Variants in MSRA observed in about 807,000 individuals in gnomAD.
MSRA encodes mitochondrial peptide methionine sulfoxide reductase.
Under a neutral mutation model 31.3 loss-of-function variants are expected in MSRA, and 54 were observed. The observed-to-expected ratio is 1.73, with a 90% confidence interval of 1.39 to 2.17. The LOEUF (loss-of-function observed/expected upper bound fraction) is 2.17, where lower values mean the gene tolerates loss of function less well. MSRA is among the 30% of genes most tolerant of loss of function. MSRA has a pLI of 0.00. For missense variants in MSRA, 507 were observed against 300.9 expected (o/e 1.69, Z -5.07); for synonymous variants, 169 against 116.5 (o/e 1.45, Z -2.90).
intron 1 of MSRA, among the ~76,000 whole-genome samples, chr8:10,056,892 C>T (rs991410164): frequency 2.0e-5 from 3 of 152,154 alleles, no homozygotes; most frequent in African/African-American, 7.2e-5. Context: ...AAAGCATCAC[C>T]TTTTGACTGC....
intron 4 of MSRA, among the ~76,000 whole-genome samples, chr8:10,303,911 C>T (rs953270593): frequency 6.6e-6 from 1 of 152,106 alleles, no homozygotes; most frequent in Non-Finnish European, 1.5e-5. Context: ...TTGCCAGGTG[C>T]CCTTTTATTT....
intron 1 of MSRA, among the ~76,000 whole-genome samples, chr8:10,130,050 A>G (rs1236735501): frequency 6.6e-6 from 1 of 152,196 alleles, no homozygotes; most frequent in Non-Finnish European, 1.5e-5. Context: ...GGATAATTGG[A>G]GACATGGGTG....
chr8:10,284,573 A>G (rs1799832214), intron 3 of MSRA, among the ~76,000 whole-genome samples: 1 of 152,210 alleles, frequency 6.6e-6, no homozygotes, highest in Non-Finnish European at 1.5e-5. Flanking sequence ...ATTGTGCCAA[A>G]CATTGGATTC....
intron 3 of MSRA, among the ~76,000 whole-genome samples, chr8:10,270,483 CAAAG>C (rs1244923789): frequency 1.3e-5 from 2 of 151,082 alleles, no homozygotes; most frequent in Non-Finnish European, 2.9e-5. Context: ...TTTAGTAATA[CAAAG>C]AAAGAGAGTT....
chr8:10,309,412 C>T (rs1025026582), intron 4 of MSRA, among the ~76,000 whole-genome samples: 1 of 152,226 alleles, frequency 6.6e-6, no homozygotes, highest in Non-Finnish European at 1.5e-5. Context: ...CCGTTTCCAT[C>T]ACCAGCTGCT....
chr8:10,260,209 T>C (rs1199355896), intron 3 of MSRA, among the ~76,000 whole-genome samples: 1 of 152,250 alleles, frequency 6.6e-6, no homozygotes, highest in Non-Finnish European at 1.5e-5. Context: ...CCTTGCCATT[T>C]GGTCCAGTTG....
chr8:10,301,575 C>A lies in MSRA; in HGVS notation c.373C>A (p.Pro125Thr). ...AGAAGTCGTCCGAGTGGTGTACCAGCCAGAACACATGAGTTTTGAGGAACT... is the reference window on the plus strand; with the variant it reads ...AGAAGTCGTCCGAGTGGTGTACCAGACAGAACACATGAGTTTTGAGGAACT... ...HAEVVRVVYQPEHMSFEELLK... is the reference protein window; with the variant it reads ...HAEVVRVVYQTEHMSFEELLK... The change falls in exon 4 of 6, where the codon CCA (proline) becomes ACA (threonine). Residue 125 changes from proline to threonine, a missense_variant. By Grantham distance (38) the Pro-to-Thr change is conservative. Coordinates refer to ENST00000317173, the MANE Select transcript of MSRA (RefSeq NM_012331.5). 1 of 1,614,022 alleles carries A rather than the reference C, an allele frequency of 6.2e-7. No homozygotes were observed. The highest frequency in any genetic ancestry group is 8.5e-7 in the Non-Finnish European group (1 of 1,180,016).
intron 4 of MSRA, among the ~76,000 whole-genome samples, chr8:10,307,276 C>G (rs1801191207): frequency 6.6e-6 from 1 of 152,048 alleles, no homozygotes; most frequent in Non-Finnish European, 1.5e-5. Flanking sequence ...AAGACATCCT[C>G]CCACCTCAGC....
At chr8:10,283,802 C>CAT (rs375322603) in intron 3 of MSRA, among the ~76,000 whole-genome samples, 2,111 of 45,708 alleles carry the variant, frequency 0.046, 42 homozygotes, top group Non-Finnish European at 0.053. Context: ...TATTCTATCT[C>CAT]ATATATATAT....
At chr8:10,219,443 G>C (rs1043923436) in intron 2 of MSRA, among the ~76,000 whole-genome samples, 2 of 152,084 alleles carry the variant, frequency 1.3e-5, no homozygotes, top group Non-Finnish European at 2.9e-5. Flanking sequence ...ATGTATTTTT[G>C]TAAGTGGTCT....
intron 2 of MSRA, among the ~76,000 whole-genome samples, chr8:10,213,476 A>C (rs1585184316): frequency 8.8e-6 from 1 of 113,306 alleles, no homozygotes; most frequent in Non-Finnish European, 1.7e-5. Context: ...TCTTGCCCTC[A>C]CCCAGGCTGG....
chr8:10,307,411 C>A (rs1383806214), intron 4 of MSRA, among the ~76,000 whole-genome samples: 2 of 152,128 alleles, frequency 1.3e-5, no homozygotes, highest in African/African-American at 4.8e-5. Context: ...AAGCAATCCA[C>A]CTGCCTCAGC....
Position 10,166,517 on chromosome 8 carries a change from G to A in MSRA, c.143-41316G>A, listed in dbSNP as rs143304019. ...CATATGTGTGTATGTGCATTTGTGT[G>A]TGTGTGCATATGTGTGTGTGCATGT... On this transcript the variant is annotated intron_variant, in intron 1 of 5. Coordinates refer to ENST00000317173, the MANE Select transcript of MSRA (RefSeq NM_012331.5). 2.1e-3 allele frequency among the ~76,000 whole-genome samples: 324 copies of A among 152,202 alleles called. 9 individuals are homozygous for A. In the East Asian group the frequency reaches 0.045, roughly 21 times the overall value.
intron 1 of MSRA, among the ~76,000 whole-genome samples, chr8:10,065,610 C>T (rs908311702): frequency 1.6e-4 from 25 of 152,152 alleles, no homozygotes; most frequent in African/African-American, 3.6e-4. Flanking sequence ...TTTCTCTTAA[C>T]GTAACGATGG....
intron 1 of MSRA, among the ~76,000 whole-genome samples, chr8:10,079,315 A>G (rs1279461854): frequency 6.6e-6 from 1 of 151,998 alleles, no homozygotes; most frequent in African/African-American, 2.4e-5. Context: ...ATGTGCCACC[A>G]TGCCTGGCTA....
chr8:10,068,721 T>C (rs1797584070), intron 1 of MSRA, among the ~76,000 whole-genome samples: 1 of 152,252 alleles, frequency 6.6e-6, no homozygotes, highest in African/African-American at 2.4e-5. Context: ...ATCGGTTCTC[T>C]GACTTTGTTC....
At chr8:10,057,230 G>T (rs111585944) in intron 1 of MSRA, among the ~76,000 whole-genome samples, 1 of 152,174 alleles carries the variant, frequency 6.6e-6, no homozygotes, top group Admixed American at 6.5e-5. Flanking sequence ...AGGTTAGGGG[G>T]CATCTGGGCA....
At chr8:10,238,640 C>T (rs1812150871) in intron 2 of MSRA, among the ~76,000 whole-genome samples, 1 of 152,162 alleles carries the variant, frequency 6.6e-6, no homozygotes, top group Non-Finnish European at 1.5e-5. Flanking sequence ...ATAAAGGTAA[C>T]ATTGGAGATA....
intron 5 of MSRA, among the ~76,000 whole-genome samples, chr8:10,325,996 G>A (rs1208893532): frequency 6.6e-6 from 1 of 152,162 alleles, no homozygotes; most frequent in Non-Finnish European, 1.5e-5. Flanking sequence ...GGGAAATTCT[G>A]CCCATGACTC....
Sources: allele counts gnomAD v4.1 joint callset (sites outside exome capture counted in the v4.1 genomes callset), GRCh38; gene constraint gnomAD v4.1.1; transcripts MANE v1.5; gene names NCBI Gene and HGNC (gene_info 2026-07-23, HGNC 2026-07-21).